The following SNX8 variants were observed in gnomAD, a reference collection of about 807,000 sequenced individuals.
SNX8 encodes the protein sorting nexin 8, also known as sorting nexin-8.
Under a neutral mutation model 51.6 loss-of-function variants are expected in SNX8, and 25 were observed. That is an observed-to-expected ratio of 0.48 (90% CI 0.35 to 0.68). The LOEUF (loss-of-function observed/expected upper bound fraction) is 0.68. SNX8 is among the 30% of genes least tolerant of loss of function. SNX8 has a pLI of 0.00. For missense variants in SNX8, 695 were observed against 624.0 expected, an observed-to-expected ratio of 1.11 and a Z score of -1.21; for synonymous variants, 324 against 277.0, an observed-to-expected ratio of 1.17 and a Z score of -1.68.
chr7:2,347,489 A>AAG (rs1779053792), intron 1 of SNX8, among the ~76,000 whole-genome samples: 2 of 102,628 alleles, frequency 1.9e-5, no homozygotes, highest in African/African-American at 6.2e-5. Flanking sequence ...TCAAAAAAAA[A>AAG]AAAAAAAAAA....
At chr7:2,329,831 CTTT>C (rs71023395) in intron 1 of SNX8, among the ~76,000 whole-genome samples, 9 of 142,566 alleles carry the variant, frequency 6.3e-5, no homozygotes, top group Admixed American at 7.1e-5. Context: ...TTGCAATGTC[CTTT>C]TTTTTTTTTT....
chr7:2,345,882 A>T (rs1287182597), intron 1 of SNX8, among the ~76,000 whole-genome samples: 1 of 151,992 alleles, frequency 6.6e-6, no homozygotes, highest in Non-Finnish European at 1.5e-5. Flanking sequence ...ATCTCAGCTC[A>T]CTGCAACTTC....
rs1209406474 is a variant in SNX8, at chr7:2,254,918, C to T, written c.*138G>A. On this transcript the variant is annotated 3_prime_UTR_variant, in exon 11 of 11. Coordinates refer to ENST00000222990, the MANE Select transcript of SNX8 (RefSeq NM_013321.4). ...ACGGATGCGCCTCCCGACCCGCAGGCGTGAGCTCCTCTGCTCCAGCTGCAG... is the reference window on the plus strand; with the variant it reads ...ACGGATGCGCCTCCCGACCCGCAGGTGTGAGCTCCTCTGCTCCAGCTGCAG... The T allele has an allele frequency of 8.8e-6, 6 of 681,042 alleles. No homozygotes were observed. In the East Asian group the frequency reaches 1.6e-4, roughly 19 times the overall value. 42.2% of individuals were successfully genotyped at this position (681,042 alleles called of 1,614,324 possible). A position where few individuals can be genotyped will look rare whatever the true frequency, so the allele number is the denominator to read the frequency against.
At chr7:2,301,782 C>G (rs1796398552) in intron 1 of SNX8, among the ~76,000 whole-genome samples, 1 of 152,170 alleles carries the variant, frequency 6.6e-6, no homozygotes, top group Non-Finnish European at 1.5e-5. Context: ...GACTGCTATC[C>G]AGGCCCTGCC....
intron 8 of SNX8, 89 bp from the exon 9 acceptor site, chr7:2,257,603 C>A (rs1554261661): frequency 8.9e-6 from 14 of 1,574,562 alleles, no homozygotes; most frequent in Non-Finnish European, 1.2e-5. Flanking sequence ...CCCCGCCAGA[C>A]GGAAGGCCCC....
At chr7:2,259,559 C>T (rs1327838598) in intron 7 of SNX8, among the ~76,000 whole-genome samples, 1 of 152,140 alleles carries the variant, frequency 6.6e-6, no homozygotes, top group Non-Finnish European at 1.5e-5. Flanking sequence ...CCCAGGGGAC[C>T]CTAAGATACC....
chr7:2,327,396 T>TGC (rs1474561589), intron 1 of SNX8, among the ~76,000 whole-genome samples: 7 of 150,640 alleles, frequency 4.6e-5, no homozygotes, highest in Admixed American at 6.6e-5. Flanking sequence ...CCCACCACCA[T>TGC]GCCTGGCTAA....
rs146892143 is a variant in SNX8, at chr7:2,343,277, T to C, written c.-66+10945A>G. On this transcript the variant is annotated intron_variant, in intron 1 of 5. Transcript: ENST00000435336. ...TTGGCCATTTAGTATGACCAAACTG[T>C]ATGATGAAAGAGACCATGAACAAAG... Among the ~76,000 whole-genome samples the C allele has an allele frequency of 2.8e-3, 427 of 152,180 alleles. 3 individuals carry two copies. Among genetic ancestry groups the C allele is most frequent in the African/African-American group, 9.7e-3 (402 of 41,536 alleles).
intron 1 of SNX8, among the ~76,000 whole-genome samples, chr7:2,323,997 C>G (rs1778583815): frequency 1.3e-5 from 2 of 151,720 alleles, no homozygotes; most frequent in Non-Finnish European, 2.9e-5. Context: ...GTGCATGCTT[C>G]TAGTCCCAGC....
chr7:2,341,862 A>C (rs1196830341), intron 1 of SNX8, among the ~76,000 whole-genome samples: 1 of 151,696 alleles, frequency 6.6e-6, no homozygotes, highest in East Asian at 1.9e-4. Flanking sequence ...AATCTGAGCT[A>C]CTCGGGAGGC....
At chr7:2,343,220 C>T (rs1395599851) in intron 1 of SNX8, among the ~76,000 whole-genome samples, 4 of 152,010 alleles carry the variant, frequency 2.6e-5, no homozygotes, top group African/African-American at 9.6e-5. Flanking sequence ...CATGAGCCAC[C>T]GCACCTGGCC....
At chr7:2,284,752 TCAGACTA>T (rs1238919318) in intron 1 of SNX8, among the ~76,000 whole-genome samples, 1 of 152,004 alleles carries the variant, frequency 6.6e-6, no homozygotes, top group Admixed American at 6.6e-5. Context: ...AAACGACAAG[TCAGACTA>T]CACCTTTTCC....
chr7:2,347,946 C>T (rs1014926836), intron 1 of SNX8, among the ~76,000 whole-genome samples: 3 of 152,066 alleles, frequency 2.0e-5, no homozygotes, highest in African/African-American at 7.2e-5. Context: ...CTGGCCCACA[C>T]TGGACCCTTT....
chr7:2,300,248 G>A lies in SNX8; in HGVS notation c.94+14080C>T, dbSNP rs1016313417. Reference sequence around the variant, plus strand: ...CAGGATGCTCAGATTATCTTAACGCGTTTAAGGGAACTCAGCCTGTGCCTC... The same window carrying A: ...CAGGATGCTCAGATTATCTTAACGCATTTAAGGGAACTCAGCCTGTGCCTC... On this transcript the variant is annotated intron_variant, in intron 1 of 10. Transcript: ENST00000222990. 3.9e-5 allele frequency among the ~76,000 whole-genome samples: 6 copies of A among 152,282 alleles called. No homozygotes were observed. In the East Asian group the frequency reaches 5.8e-4, roughly 15 times the overall value.
At chr7:2,291,458 TG>T (rs1319705446) in intron 1 of SNX8, among the ~76,000 whole-genome samples, 1 of 151,924 alleles carries the variant, frequency 6.6e-6, no homozygotes, top group African/African-American at 2.4e-5. Context: ...ATTAGCTGGC[TG>T]TGGTGGCACA....
At chr7:2,275,962 C>T (rs1453290288) in intron 2 of SNX8, among the ~76,000 whole-genome samples, 1 of 150,764 alleles carries the variant, frequency 6.6e-6, no homozygotes, top group Non-Finnish European at 1.5e-5. Context: ...CACGCCACTG[C>T]ACTCCAGCCT....
chr7:2,300,240 C>T (rs1796361548), intron 1 of SNX8, among the ~76,000 whole-genome samples: 1 of 152,182 alleles, frequency 6.6e-6, no homozygotes, highest in Admixed American at 6.5e-5. Flanking sequence ...CTCAGATTAT[C>T]TTAACGCGTT....
chr7:2,294,212 G>A (rs928821495), intron 1 of SNX8, among the ~76,000 whole-genome samples: 7 of 151,766 alleles, frequency 4.6e-5, no homozygotes, highest in African/African-American at 1.7e-4. Context: ...GCAGTGAGCC[G>A]AGATCACGCC....
intron 1 of SNX8, among the ~76,000 whole-genome samples, chr7:2,312,581 G>C (rs143500685): frequency 6.6e-6 from 1 of 152,222 alleles, no homozygotes; most frequent in East Asian, 1.9e-4. Context: ...CTTCTTTCTA[G>C]ACACAGTCTT....
Sources: allele counts gnomAD v4.1 joint callset (sites outside exome capture counted in the v4.1 genomes callset), GRCh38; gene constraint gnomAD v4.1.1; transcripts MANE v1.5; gene names NCBI Gene and HGNC (gene_info 2026-07-23, HGNC 2026-07-21).